The following XPR1 variants were observed in gnomAD, a reference collection of about 807,000 sequenced individuals.
XPR1 encodes xenotropic and polytropic retrovirus receptor 1, also known as solute carrier family 53 member 1.
XPR1 carries 28 observed loss-of-function variants against 87.5 expected under a neutral mutation model. That is an observed-to-expected ratio of 0.32 (90% CI 0.24 to 0.44). XPR1 has a LOEUF of 0.44. XPR1 is among the 20% of genes least tolerant of loss of function. The pLI, the probability that XPR1 is intolerant of heterozygous loss-of-function variation, is 1.00. For synonymous variants in XPR1, 300 were observed against 306.1 expected (o/e 0.98, Z 0.21); for missense variants, 559 against 862.3 (o/e 0.65, Z 4.41).
chr1:180,825,011 TG>T (rs1650775859), intron 8 of XPR1, 68 bp downstream of exon 8: 9 of 1,539,950 alleles, frequency 5.8e-6, no homozygotes, highest in Non-Finnish European at 7.0e-6. Context: ...TCTGGTTTAG[TG>T]GGTACTTAAA....
chr1:180,666,401 A>C (rs1284661585), intron 1 of XPR1, among the ~76,000 whole-genome samples: 1 of 152,190 alleles, frequency 6.6e-6, no homozygotes, highest in Non-Finnish European at 1.5e-5. Context: ...AACAATATTG[A>C]GTCTTATAAT....
intron 2 of XPR1, among the ~76,000 whole-genome samples, chr1:180,757,182 C>A (rs1647780494): frequency 6.6e-6 from 1 of 152,056 alleles, no homozygotes; most frequent in African/African-American, 2.4e-5. Flanking sequence ...AAAATTTAAT[C>A]TATCTTTCAA....
At chr1:180,840,566 GTATATATATATA>G (rs71579073) in intron 11 of XPR1, among the ~76,000 whole-genome samples, 57 of 136,352 alleles carry the variant, frequency 4.2e-4, no homozygotes, top group African/African-American at 1.0e-3. Flanking sequence ...GTGTGTGTGT[GTATATATATATA>G]TATATATATA....
intron 2 of XPR1, among the ~76,000 whole-genome samples, chr1:180,742,742 C>G (rs1438072003): frequency 6.6e-6 from 1 of 152,046 alleles, no homozygotes; most frequent in Non-Finnish European, 1.5e-5. Context: ...GTTGAAGTCT[C>G]CAGCTATAAT....
chr1:180,691,116 TTA>T, intron 2 of XPR1, among the ~76,000 whole-genome samples: 1 of 152,212 alleles, frequency 6.6e-6, no homozygotes, highest in East Asian at 1.9e-4. Flanking sequence ...TGATACAAGA[TTA>T]TAATTTTAAA....
At chr1:180,800,143 A>G (rs926409706) in intron 3 of XPR1, among the ~76,000 whole-genome samples, 1 of 152,178 alleles carries the variant, frequency 6.6e-6, no homozygotes, top group South Asian at 2.1e-4. Flanking sequence ...GTCTATTCCA[A>G]TTATACATCT....
At chr1:180,731,423 A>G (rs1658552576) in intron 2 of XPR1, among the ~76,000 whole-genome samples, 1 of 152,204 alleles carries the variant, frequency 6.6e-6, no homozygotes, top group African/African-American at 2.4e-5. Flanking sequence ...ATGTAACAAT[A>G]TGTAAGAAAA....
intron 9 of XPR1, among the ~76,000 whole-genome samples, chr1:180,830,276 A>G (rs183781256): frequency 6.6e-6 from 1 of 152,212 alleles, no homozygotes; most frequent in East Asian, 1.9e-4. Context: ...AATGGTATAG[A>G]TTGTCTCTCT....
At chr1:180,666,061 CTG>C (rs1394923668) in intron 1 of XPR1, among the ~76,000 whole-genome samples, 2 of 152,136 alleles carry the variant, frequency 1.3e-5, no homozygotes, top group African/African-American at 2.4e-5. Flanking sequence ...GTTGAAAAGA[CTG>C]TTTTCTCCAT....
chr1:180,719,394 A>C (rs567619274), intron 2 of XPR1, among the ~76,000 whole-genome samples: 1 of 152,350 alleles, frequency 6.6e-6, no homozygotes, highest in Middle Eastern at 3.4e-3. Flanking sequence ...TGATATTGGC[A>C]TCAGTTGATG....
chr1:180,634,513 C>T (rs541569166), intron 1 of XPR1, among the ~76,000 whole-genome samples: 1 of 152,162 alleles, frequency 6.6e-6, no homozygotes, highest in South Asian at 2.1e-4. Context: ...CAGTTTAAAA[C>T]TTTGGGGAAA....
In XPR1 at chr1:180,885,945, C is replaced by T. The variant is rs1652995589; in HGVS notation, c.*1879C>T. 6.6e-6 allele frequency: 1 copy of T among 152,136 alleles called. No individual in the cohort carries two copies. The highest frequency in any genetic ancestry group is 1.5e-5 in the Non-Finnish European group (1 of 68,010). The allele number at this position is 152,136 out of a possible 1,614,324, so 9.4% of individuals were successfully genotyped here. The stretch of plus-strand genomic sequence containing the variant: ...TTCCATCTTTATTCTGACTAGCTTC[C>T]AAAATGTGTTCCCTTTTTGAATCGA... On this transcript the variant is annotated 3_prime_UTR_variant, in exon 15 of 15. Transcript: ENST00000367590.
chr1:180,783,432 A>G (rs1649017131), intron 2 of XPR1, among the ~76,000 whole-genome samples: 1 of 151,980 alleles, frequency 6.6e-6, no homozygotes, highest in Non-Finnish European at 1.5e-5. Flanking sequence ...GATGGGTTCA[A>G]ACAATTTAAT....
Position 180,789,756 on chromosome 1 carries a change from T to C in XPR1, c.223+1902T>C, listed in dbSNP as rs1373550081. On this transcript the variant is annotated intron_variant, in intron 3 of 14. Transcript: ENST00000367590. ...TTCTCCATCAATCATTTTAACCATT[T>C]TGACCCCTGTGTTTTTAATCCCTTT... Among the ~76,000 whole-genome samples, 7 of 152,246 alleles carry C rather than the reference T, an allele frequency of 4.6e-5. No individual in the cohort carries two copies. In the East Asian group the frequency reaches 1.2e-3, roughly 25 times the overall value.
At chr1:180,698,025 G>C (rs1183904600) in intron 2 of XPR1, among the ~76,000 whole-genome samples, 1 of 152,074 alleles carries the variant, frequency 6.6e-6, no homozygotes, top group Non-Finnish European at 1.5e-5. Context: ...TTGATCCAAT[G>C]GTGAGAGTAG....
intron 2 of XPR1, among the ~76,000 whole-genome samples, chr1:180,736,056 A>G (rs1266347618): frequency 6.6e-6 from 1 of 152,228 alleles, no homozygotes; most frequent in African/African-American, 2.4e-5. Context: ...TAAATACATA[A>G]TTAGAAGTAT....
rs1571259547 is a variant in XPR1, at chr1:180,884,165, A to G, written c.*99A>G. The G allele has an allele frequency of 2.0e-6, 2 of 1,019,862 alleles. No individual in the cohort carries two copies. Among genetic ancestry groups the G allele is most frequent in the East Asian group, 2.6e-5 (1 of 38,156 alleles). The allele number at this position is 1,019,862 out of a possible 1,614,324, so 63.2% of individuals were successfully genotyped here. Reference sequence around the variant, plus strand: ...GTACCTTTCCAGCCGAAAACAGGAGAAAACACATAACACATTTTCCGAGCT... The same window carrying G: ...GTACCTTTCCAGCCGAAAACAGGAGGAAACACATAACACATTTTCCGAGCT... On this transcript the variant is annotated 3_prime_UTR_variant, in exon 15 of 15. Transcript: ENST00000367590.
intron 2 of XPR1, among the ~76,000 whole-genome samples, chr1:180,704,973 A>G (rs1657511034): frequency 6.7e-6 from 1 of 149,264 alleles, no homozygotes; most frequent in African/African-American, 2.5e-5. Flanking sequence ...GCATATATAC[A>G]CTCTTATAAA....
At chr1:180,731,392 G>A (rs1048268893) in intron 2 of XPR1, among the ~76,000 whole-genome samples, 3 of 152,082 alleles carry the variant, frequency 2.0e-5, no homozygotes, top group African/African-American at 7.2e-5. Flanking sequence ...TAAAACAAGG[G>A]GTTTATATAG....
Sources: gnomAD v4.1 joint callset for allele counts (sites outside exome capture counted in the v4.1 genomes callset) on GRCh38, gnomAD v4.1.1 for gene constraint, MANE v1.5 for transcripts, NCBI Gene and HGNC (gene_info 2026-07-23, HGNC 2026-07-21) for gene names.